The following CDC20B variants were observed in gnomAD, a reference collection of about 807,000 sequenced individuals.
The protein encoded by CDC20B is cell division cycle protein 20 homolog B.
A neutral mutation model predicts 64.1 loss-of-function variants in CDC20B; 58 were observed. The ratio of observed to expected loss-of-function variants is 0.90; its 90% CI spans 0.73 to 1.13. CDC20B has a LOEUF of 1.13. CDC20B is among the 50% of genes most tolerant of loss of function. CDC20B has a pLI of 0.00. For synonymous variants in CDC20B, 243 were observed against 230.6 expected (o/e 1.05, Z -0.49); for missense variants, 597 against 633.0 (o/e 0.94, Z 0.61).
At chr5:55,159,606 T>C (rs1237161234) in intron 2 of CDC20B, among the ~76,000 whole-genome samples, 1 of 152,206 alleles carries the variant, frequency 6.6e-6, no homozygotes, top group African/African-American at 2.4e-5. Context: ...TTTGACTGTA[T>C]TCACTTGGTA....
intron 9 of CDC20B, among the ~76,000 whole-genome samples, chr5:55,121,558 T>G (rs180903821): frequency 6.6e-6 from 1 of 152,266 alleles, no homozygotes; most frequent in East Asian, 1.9e-4. Flanking sequence ...TTTGCTCTCA[T>G]AAAGTACATT....
chr5:55,155,476 T>C (rs1346458219), intron 2 of CDC20B, among the ~76,000 whole-genome samples: 2 of 152,150 alleles, frequency 1.3e-5, no homozygotes, highest in African/African-American at 4.8e-5. Context: ...ACCCCGTTCC[T>C]TAACCTCTGA....
chr5:55,129,847 G>C (rs1206663977), intron 6 of CDC20B, among the ~76,000 whole-genome samples: 1 of 152,146 alleles, frequency 6.6e-6, no homozygotes, highest in Non-Finnish European at 1.5e-5. Context: ...AACCTAACTA[G>C]AACAAAAACA....
At chr5:55,121,763 A>G (rs916589255) in intron 9 of CDC20B, among the ~76,000 whole-genome samples, 1 of 152,196 alleles carries the variant, frequency 6.6e-6, no homozygotes, top group African/African-American at 2.4e-5. Flanking sequence ...GTGAAATTAA[A>G]ATCATTACAA....
At chr5:55,119,637 C>T (rs1019462955) in intron 11 of CDC20B, among the ~76,000 whole-genome samples, 164 bp downstream of exon 11, 2 of 152,158 alleles carry the variant, frequency 1.3e-5, no homozygotes, top group African/African-American at 4.8e-5. Flanking sequence ...CAGAAACATT[C>T]AACTATACGC....
In CDC20B at chr5:55,158,230, C is replaced by T. The variant is rs1580362901; in HGVS notation, c.127-11374G>A. 2.0e-5 allele frequency among the ~76,000 whole-genome samples: 3 copies of T among 152,270 alleles called. No individual in the cohort carries two copies. In the East Asian group the frequency reaches 5.8e-4, roughly 29 times the overall value. On this transcript the variant is annotated intron_variant, in intron 2 of 11. Coordinates refer to ENST00000381375, the MANE Select transcript of CDC20B (RefSeq NM_001170402.1). ...GATGGTACTGTGGAAGGTCCCAGAT[C>T]CCACTTAGAGAGCAAGGCCAGAGAG...
rs1743321251 is a variant in CDC20B, at chr5:55,141,264, C to T, written c.487-857G>A. 2.0e-5 allele frequency among the ~76,000 whole-genome samples: 3 copies of T among 152,216 alleles called. No individual in the cohort carries two copies. The South Asian group carries it at 6.2e-4, about 31-fold the overall frequency. On this transcript the variant is annotated intron_variant, in intron 4 of 11. Coordinates refer to ENST00000381375, the MANE Select transcript of CDC20B (RefSeq NM_001170402.1). ...CACACACACAGCTGCAAGACTGGCT[C>T]TCCCTTGCCTTCAGGGTCAGCAGCT...
At chr5:55,132,456 T>C (rs957711080) in intron 6 of CDC20B, among the ~76,000 whole-genome samples, 2 of 152,170 alleles carry the variant, frequency 1.3e-5, no homozygotes, top group African/African-American at 2.4e-5. Context: ...TTGTCTCCTT[T>C]AAAATAATAT....
At chr5:55,127,440 T>C in intron 7 of CDC20B, 89 bp from the exon 8 acceptor site, 2 of 1,006,962 alleles carry the variant, frequency 2.0e-6, no homozygotes, top group South Asian at 1.3e-5. Context: ...TTACTGCTGA[T>C]ATTGTTAGTT....
intron 6 of CDC20B, among the ~76,000 whole-genome samples, chr5:55,129,440 A>G (rs1580342684): frequency 6.6e-6 from 1 of 152,150 alleles, no homozygotes; most frequent in African/African-American, 2.4e-5. Context: ...GACAGGCCCC[A>G]TTGATGGAGT....
chr5:55,128,561 C>T lies in CDC20B; in HGVS notation c.754G>A (p.Ala252Thr). 6.2e-7 allele frequency: 1 copy of T among 1,601,314 alleles called. No homozygotes were observed. Among genetic ancestry groups the T allele is most frequent in the Admixed American group, 1.8e-5 (1 of 55,796 alleles). ...TTCTCCCCATTCCAGATGTATACAG[C>T]AGAGCCCAGGGCTATGGCAACAAGA... ...QNLVAIALGS[A>T]VYIWNGENHN... The change falls in exon 7 of 12, where the codon GCT becomes ACT. Residue 252 changes from alanine (A) to threonine (T), a missense_variant. Physicochemically the swap from Ala to Thr is moderately conservative, Grantham distance 58 (BLOSUM62 0). Coordinates refer to ENST00000381375, the MANE Select transcript of CDC20B (RefSeq NM_001170402.1).
At chr5:55,172,876 G>T in intron 1 of CDC20B, 62 bp downstream of exon 1, 1 of 1,449,206 alleles carries the variant, frequency 6.9e-7, no homozygotes, top group South Asian at 1.3e-5. Flanking sequence ...CAGATATTAT[G>T]AACGGGGCCT....
In CDC20B at chr5:55,128,617, T is replaced by C; in HGVS notation, c.698A>G (p.Tyr233Cys). 3.2e-6 allele frequency: 5 copies of C among 1,544,482 alleles called. No homozygotes were observed. The highest frequency in any genetic ancestry group is 4.3e-6 in the Non-Finnish European group (5 of 1,156,276). ...AAAACTCCAATCTAGGATATTCAGA[T>C]CTATAAGAAAAGCACTTCAAATTAG... ...IHITGLRNDYYLNILDWSFQN... is the reference protein window; with the variant it reads ...IHITGLRNDYCLNILDWSFQN... Residue 233 changes from tyrosine (Y) to cysteine (C), a missense_variant and splice_region_variant, in exon 7 of 12, where the codon TAT becomes TGT. Physicochemically the swap from Tyr to Cys is radical, Grantham distance 194 (BLOSUM62 -2). Transcript: ENST00000381375.
intron 2 of CDC20B, chr5:55,161,018 A>C: frequency 6.2e-7 from 1 of 1,613,688 alleles, no homozygotes; most frequent in Non-Finnish European, 8.5e-7. Flanking sequence ...AAACGTGGCC[A>C]GTGACTGCCA....
chr5:55,145,174 T>C (rs1418121083), intron 3 of CDC20B, among the ~76,000 whole-genome samples: 10 of 152,202 alleles, frequency 6.6e-5, no homozygotes, highest in Non-Finnish European at 7.3e-5. Flanking sequence ...TGCAATGAGA[T>C]ACAAAAGATT....
chr5:55,139,170 T>C (rs1025590225), intron 5 of CDC20B, among the ~76,000 whole-genome samples: 7 of 151,936 alleles, frequency 4.6e-5, no homozygotes, highest in Non-Finnish European at 1.0e-4. Context: ...AATTAACACA[T>C]GACTTCTCAA....
chr5:55,135,475 G>A (rs1743137053), intron 5 of CDC20B, among the ~76,000 whole-genome samples: 1 of 152,088 alleles, frequency 6.6e-6, no homozygotes, highest in Non-Finnish European at 1.5e-5. Context: ...TCATTCTAAG[G>A]AAAAGACAAG....
chr5:55,172,398 A>G (rs1561100374), intron 2 of CDC20B, 190 bp downstream of exon 2: 8 of 560,958 alleles, frequency 1.4e-5, no homozygotes, highest in Non-Finnish European at 2.2e-5. Context: ...TACGATTCAG[A>G]TGCAAACGAT....
At chr5:55,148,703 A>G (rs1216994574) in intron 2 of CDC20B, among the ~76,000 whole-genome samples, 1 of 152,248 alleles carries the variant, frequency 6.6e-6, no homozygotes, top group Non-Finnish European at 1.5e-5. Context: ...GTCTCAAAAT[A>G]AAAACAAAAA....
Sources: gnomAD v4.1 joint callset for allele counts (sites outside exome capture counted in the v4.1 genomes callset) on GRCh38, gnomAD v4.1.1 for gene constraint, MANE v1.5 for transcripts, NCBI Gene and HGNC (gene_info 2026-07-23, HGNC 2026-07-21) for gene names.